The following CTNNA3 variants were observed in gnomAD, a reference collection of about 807,000 sequenced individuals.
CTNNA3 encodes the protein catenin alpha-3.
In CTNNA3, 76 loss-of-function variants were observed where a neutral mutation model predicts 95.7. The observed-to-expected ratio is 0.79, with a 90% CI of 0.66 to 0.96. The LOEUF (loss-of-function observed/expected upper bound fraction) is 0.96, where lower values mean the gene tolerates loss of function less well. Among genes scored for constraint, CTNNA3 ranks in the 40% least tolerant of loss-of-function variants. CTNNA3 has a pLI of 0.00. For synonymous variants in CTNNA3, 431 were observed against 374.4 expected (o/e 1.15, Z -1.74); for missense variants, 1,191 against 1,089.8 (o/e 1.09, Z -1.31).
chr10:66,285,346 C>A (rs2091566638), intron 12 of CTNNA3, among the ~76,000 whole-genome samples: 1 of 151,884 alleles, frequency 6.6e-6, no homozygotes, highest in East Asian at 1.9e-4. Flanking sequence ...GAGTGTCCAC[C>A]TTTGAGTCTC....
intron 16 of CTNNA3, among the ~76,000 whole-genome samples, chr10:65,980,361 G>T (rs1178131622): frequency 2.0e-5 from 3 of 151,698 alleles, no homozygotes; most frequent in Non-Finnish European, 2.9e-5. Flanking sequence ...CAACAAAAAA[G>T]TCCAGGACCA....
At chr10:66,058,718 C>T (rs2080134507) in intron 15 of CTNNA3, among the ~76,000 whole-genome samples, 1 of 152,074 alleles carries the variant, frequency 6.6e-6, no homozygotes, top group Non-Finnish European at 1.5e-5. Context: ...AAGAAAACAC[C>T]TGGCTCACTT....
chr10:66,446,590 T>C (rs926567290), intron 11 of CTNNA3, among the ~76,000 whole-genome samples: 8 of 151,964 alleles, frequency 5.3e-5, no homozygotes, highest in African/African-American at 1.7e-4. Flanking sequence ...ATTATCTCAA[T>C]AGATGCAGAA....
intron 1 of CTNNA3, among the ~76,000 whole-genome samples, chr10:67,755,762 A>G (rs1482348756): frequency 6.8e-6 from 1 of 146,500 alleles, no homozygotes; most frequent in Non-Finnish European, 1.5e-5. Flanking sequence ...AGATCACACC[A>G]TTGCACTCCA....
intron 7 of CTNNA3, among the ~76,000 whole-genome samples, chr10:66,935,631 A>T (rs1271338937): frequency 2.0e-5 from 3 of 151,892 alleles, no homozygotes; most frequent in Non-Finnish European, 4.4e-5. Flanking sequence ...CATGCCTAAA[A>T]AAATATATAT....
chr10:66,668,619 C>A (rs1270969141), intron 9 of CTNNA3, among the ~76,000 whole-genome samples: 2 of 151,962 alleles, frequency 1.3e-5, no homozygotes, highest in African/African-American at 4.8e-5. Context: ...TTGAGACCAG[C>A]CTGGCCAACA....
chr10:65,974,622 A>G (rs1017798470), intron 16 of CTNNA3, among the ~76,000 whole-genome samples: 2 of 152,146 alleles, frequency 1.3e-5, no homozygotes, highest in African/African-American at 2.4e-5. Flanking sequence ...TAAAGGCTTG[A>G]GAAACTAATT....
intron 1 of CTNNA3, among the ~76,000 whole-genome samples, chr10:67,650,280 T>C (rs58415705): frequency 0.13 from 20,244 of 152,160 alleles, 2,424 homozygotes; most frequent in African/African-American, 0.32. Context: ...TACTATACCA[T>C]TAGATGCTCG....
At chr10:67,438,599 A>C (rs9299488) in intron 5 of CTNNA3, among the ~76,000 whole-genome samples, 111,019 of 152,040 alleles carry the variant, frequency 0.73, 43,503 homozygotes, top group Non-Finnish European at 0.88. Flanking sequence ...GTAAGCAATC[A>C]CAGCACCTGG....
At chr10:66,367,155 A>G (rs779131340) in intron 12 of CTNNA3, among the ~76,000 whole-genome samples, 51 of 152,246 alleles carry the variant, frequency 3.3e-4, no homozygotes, top group Non-Finnish European at 4.9e-4. Context: ...CACTGATCAC[A>G]TAGCCAAGCC....
chr10:66,163,448 T>C (rs892213724), intron 13 of CTNNA3, among the ~76,000 whole-genome samples: 1 of 152,256 alleles, frequency 6.6e-6, no homozygotes, highest in South Asian at 2.1e-4. Context: ...CCAGGTAAAG[T>C]CAGAAATTTC....
At chr10:66,022,244 G>A (rs1395059606) in intron 15 of CTNNA3, among the ~76,000 whole-genome samples, 1 of 152,090 alleles carries the variant, frequency 6.6e-6, no homozygotes, top group Non-Finnish European at 1.5e-5. Flanking sequence ...ACCTTCATAT[G>A]CTGAGTTCTC....
chr10:66,192,679 C>T (rs1189506848), intron 13 of CTNNA3, among the ~76,000 whole-genome samples: 3 of 152,114 alleles, frequency 2.0e-5, no homozygotes, highest in Non-Finnish European at 2.9e-5. Context: ...AACCAGCCTG[C>T]CTTTATTTAT....
intron 7 of CTNNA3, among the ~76,000 whole-genome samples, chr10:67,113,434 C>T (rs1859007375): frequency 6.6e-6 from 1 of 152,130 alleles, no homozygotes; most frequent in Non-Finnish European, 1.5e-5. Flanking sequence ...CCACTCTTCT[C>T]ATATGCTGTT....
At chr10:66,332,574 A>G (rs2092344160) in intron 12 of CTNNA3, among the ~76,000 whole-genome samples, 1 of 152,094 alleles carries the variant, frequency 6.6e-6, no homozygotes, top group South Asian at 2.1e-4. Context: ...CCCGGCATGA[A>G]GCCCACTTGA....
chr10:67,405,373 G>GA (rs1353822113), intron 5 of CTNNA3, among the ~76,000 whole-genome samples: 2 of 151,880 alleles, frequency 1.3e-5, no homozygotes, highest in African/African-American at 4.8e-5. Flanking sequence ...ATAGAAAACA[G>GA]AAAAAAGCAG....
At chr10:66,886,641 G>C (rs1214986637) in intron 7 of CTNNA3, among the ~76,000 whole-genome samples, 1 of 152,092 alleles carries the variant, frequency 6.6e-6, no homozygotes, top group African/African-American at 2.4e-5. Context: ...CCAATCAATA[G>C]CCTTAACAAG....
intron 5 of CTNNA3, among the ~76,000 whole-genome samples, chr10:67,254,288 G>T (rs1866241594): frequency 6.6e-6 from 1 of 151,586 alleles, no homozygotes; most frequent in African/African-American, 2.4e-5. Context: ...GCTAAGAAAA[G>T]CCCCCTAAAA....
At chr10:66,138,559 T>C (rs1311464654) in intron 13 of CTNNA3, among the ~76,000 whole-genome samples, 1 of 152,192 alleles carries the variant, frequency 6.6e-6, no homozygotes, top group Admixed American at 6.5e-5. Context: ...CTGGGCGCAG[T>C]GGCTCACACC....
Sources: allele counts gnomAD v4.1 joint callset (sites outside exome capture counted in the v4.1 genomes callset), GRCh38; gene constraint gnomAD v4.1.1; transcripts MANE v1.5; gene names NCBI Gene and HGNC (gene_info 2026-07-23, HGNC 2026-07-21).